The following GTF2E1 variants were observed in gnomAD, a reference collection of about 807,000 sequenced individuals.
GTF2E1 encodes TFIIE alpha subunit.
GTF2E1 carries 14 observed loss-of-function variants against 34.9 expected under a neutral mutation model. That is an observed-to-expected ratio of 0.40 (90% CI 0.27 to 0.63). The LOEUF is 0.63. Among genes scored for constraint, GTF2E1 ranks in the 20% least tolerant of loss-of-function variants. The probability of loss-of-function intolerance (pLI) is 0.39; values close to 1 mark genes in which losing one functional copy is unlikely to be tolerated. For synonymous variants in GTF2E1, 188 were observed against 192.9 expected, an observed-to-expected ratio of 0.97 and a Z score of 0.21; for missense variants, 469 against 557.7, an observed-to-expected ratio of 0.84 and a Z score of 1.60.
intron 1 of GTF2E1, among the ~76,000 whole-genome samples, chr3:120,746,671 C>T (rs1432903583): frequency 1.3e-5 from 2 of 152,060 alleles, no homozygotes; most frequent in Non-Finnish European, 1.5e-5. Flanking sequence ...TGGTGGTGTC[C>T]ACCCGTAGTC....
At chr3:120,748,408 G>A (rs551430117) in intron 1 of GTF2E1, among the ~76,000 whole-genome samples, 44 of 152,230 alleles carry the variant, frequency 2.9e-4, no homozygotes, top group East Asian at 1.2e-3. Context: ...TCTTTAACCC[G>A]TCTTGAATTA....
chr3:120,780,299 G>A (rs1709435869), intron 4 of GTF2E1, among the ~76,000 whole-genome samples: 1 of 152,172 alleles, frequency 6.6e-6, no homozygotes, highest in African/African-American at 2.4e-5. Context: ...GGAAATAAGT[G>A]CTATGGGGGA....
At chr3:120,772,906 G>A (rs922876661) in intron 3 of GTF2E1, among the ~76,000 whole-genome samples, 4 of 152,078 alleles carry the variant, frequency 2.6e-5, no homozygotes, top group South Asian at 4.1e-4. Context: ...TAGTGGTACA[G>A]TGACACCAGA....
chr3:120,748,495 T>C (rs1021554122), intron 1 of GTF2E1, among the ~76,000 whole-genome samples: 34 of 152,344 alleles, frequency 2.2e-4, no homozygotes, highest in Middle Eastern at 6.8e-3. Flanking sequence ...CAGCACCATT[T>C]ATTAAATAGG....
intron 2 of GTF2E1, among the ~76,000 whole-genome samples, chr3:120,755,190 A>T (rs1423122777): frequency 6.6e-6 from 1 of 152,208 alleles, no homozygotes; most frequent in African/African-American, 2.4e-5. Flanking sequence ...AGTTTGGAAT[A>T]GTCAAGTAAA....
chr3:120,767,436 G>A (rs1315696003), intron 2 of GTF2E1, among the ~76,000 whole-genome samples: 18 of 152,150 alleles, frequency 1.2e-4, no homozygotes, highest in Non-Finnish European at 8.8e-5. Context: ...GAATGGGCAT[G>A]CTTATGCCCA....
chr3:120,777,850 T>C (rs940509692), intron 4 of GTF2E1, among the ~76,000 whole-genome samples: 1 of 152,164 alleles, frequency 6.6e-6, no homozygotes, highest in African/African-American at 2.4e-5. Flanking sequence ...CTCAGCCTCC[T>C]GAGTAGCTGG....
At chr3:120,751,945 A>G (rs969171043) in intron 2 of GTF2E1, among the ~76,000 whole-genome samples, 1 of 152,144 alleles carries the variant, frequency 6.6e-6, no homozygotes, top group Non-Finnish European at 1.5e-5. Flanking sequence ...TGGTTGTGCA[A>G]AATTACAGAT....
chr3:120,758,866 T>C (rs1709232957), intron 2 of GTF2E1, among the ~76,000 whole-genome samples: 1 of 152,232 alleles, frequency 6.6e-6, no homozygotes, highest in East Asian at 1.9e-4. Context: ...TTGTGAATAG[T>C]GCTGCAGTAA....
chr3:120,773,567 A>G (rs1193637510), intron 3 of GTF2E1, among the ~76,000 whole-genome samples: 1 of 152,178 alleles, frequency 6.6e-6, no homozygotes, highest in African/African-American at 2.4e-5. Flanking sequence ...TTGATGAGAT[A>G]TAAAAATCTT....
At chr3:120,756,474 G>C (rs1323194697) in intron 2 of GTF2E1, among the ~76,000 whole-genome samples, 7 of 142,940 alleles carry the variant, frequency 4.9e-5, no homozygotes, top group Non-Finnish European at 7.6e-5. Flanking sequence ...GAGTAAGGGG[G>C]GGAAATTTAT....
chr3:120,774,744 G>C (rs1256634988), intron 3 of GTF2E1, among the ~76,000 whole-genome samples: 2 of 152,110 alleles, frequency 1.3e-5, no homozygotes, highest in Non-Finnish European at 1.5e-5. Flanking sequence ...CAGTGAGGAG[G>C]CAAAAGAAGT....
At chr3:120,771,604 T>C (rs1709352235) in intron 3 of GTF2E1, among the ~76,000 whole-genome samples, 1 of 152,176 alleles carries the variant, frequency 6.6e-6, no homozygotes, top group Non-Finnish European at 1.5e-5. Context: ...AAGGGATATC[T>C]TTATTTAACC....
intron 1 of GTF2E1, among the ~76,000 whole-genome samples, chr3:120,744,868 T>C (rs1709092074): frequency 6.6e-6 from 1 of 152,168 alleles, no homozygotes; most frequent in Admixed American, 6.5e-5. Context: ...CAGAACACTT[T>C]GCATTAATTA....
intron 1 of GTF2E1, among the ~76,000 whole-genome samples, chr3:120,747,391 T>G (rs1250144558): frequency 6.6e-6 from 1 of 152,060 alleles, no homozygotes; most frequent in Non-Finnish European, 1.5e-5. Context: ...ATGCTATCCC[T>G]CCCCGCTCCC....
intron 1 of GTF2E1, among the ~76,000 whole-genome samples, chr3:120,743,539 C>T (rs1709076758): frequency 2.0e-5 from 3 of 151,936 alleles, no homozygotes; most frequent in Non-Finnish European, 4.4e-5. Context: ...AATTGGTGAA[C>T]AAGATGAAGT....
intron 1 of GTF2E1, among the ~76,000 whole-genome samples, chr3:120,748,527 T>G (rs1269611269): frequency 6.6e-6 from 1 of 152,202 alleles, no homozygotes; most frequent in Non-Finnish European, 1.5e-5. Flanking sequence ...CCATTGCTTG[T>G]TTTTCTCAGG....
intron 1 of GTF2E1, among the ~76,000 whole-genome samples, chr3:120,748,379 T>A (rs1709128167): frequency 6.6e-6 from 1 of 152,188 alleles, no homozygotes; most frequent in South Asian, 2.1e-4. Flanking sequence ...TTTTTATGGT[T>A]TTAGGTCTAA....
At chr3:120,779,638 A>G (rs1490583157) in intron 4 of GTF2E1, among the ~76,000 whole-genome samples, 2 of 152,236 alleles carry the variant, frequency 1.3e-5, no homozygotes, top group East Asian at 1.9e-4. Flanking sequence ...CACTTTATCC[A>G]TAGTCAGAAT....
Sources: allele counts gnomAD v4.1 joint callset (sites outside exome capture counted in the v4.1 genomes callset), GRCh38; gene constraint gnomAD v4.1.1; transcripts MANE v1.5; gene names NCBI Gene and HGNC (gene_info 2026-07-23, HGNC 2026-07-21).